The following SIDT2 variants were observed in gnomAD, a reference collection of about 807,000 sequenced individuals.
SIDT2 encodes SID1 transmembrane family member 2.
Under a neutral mutation model 114.4 loss-of-function variants are expected in SIDT2, and 68 were observed. The observed-to-expected ratio is 0.59, with a 90% CI of 0.49 to 0.73. The LOEUF (loss-of-function observed/expected upper bound fraction) is 0.73. SIDT2 is among the 30% of genes least tolerant of loss of function. The pLI is 0.00. For missense variants in SIDT2, 918 were observed against 1,097.1 expected (o/e 0.84, Z 2.31); for synonymous variants, 470 against 438.4 (o/e 1.07, Z -0.90).
In SIDT2 at chr11:117,182,056, G is replaced by C. The variant is rs777807118; in HGVS notation, c.471-4G>C. ...ACTGGTGGGGGCTCTTCTCTGCCCT[G>C]CAGGACTGGGGAGCAGTTCAGCTTC... On this transcript the variant is annotated splice_region_variant and splice_polypyrimidine_tract_variant and intron_variant, in intron 3 of 25. Transcript: ENST00000324225. 3 of 1,614,038 alleles carry C rather than the reference G, an allele frequency of 1.9e-6. No homozygotes were observed. In the African/African-American group the frequency reaches 4.0e-5, roughly 22 times the overall value.
rs777497192 is a variant in SIDT2, at chr11:117,179,128, C to T, written c.-136C>T. On this transcript the variant is annotated 5_prime_UTR_variant, in exon 1 of 26. Coordinates refer to ENST00000324225, the MANE Select transcript of SIDT2 (RefSeq NM_001040455.2). ...CTTGGGAGGGGACATTTCCTAATCT[C>T]AGGCCGGGGTTAAAGTTCTGGTCCT... 2.4e-6 allele frequency: 2 copies of T among 837,266 alleles called. No individual in the cohort carries two copies. The highest frequency in any genetic ancestry group is 1.8e-6 in the Non-Finnish European group (1 of 550,474). 51.9% of individuals were successfully genotyped at this position (837,266 alleles called of 1,614,324 possible). A position where few individuals can be genotyped will look rare whatever the true frequency, so the allele number is the denominator to read the frequency against.
Position 117,182,738 on chromosome 11 carries a change from C to G in SIDT2, c.634C>G (p.Leu212Val). ...IQDVLCPVYD[L>V]DNNVAFIGMY... ...CCCTCTGCAGTGTCCTGTCTATGAC[C>G]TGGACAACAACGTAGCCTTCATCGG... Residue 212 changes from leucine (L) to valine (V), a missense_variant, in exon 6 of 26, where the codon CTG becomes GTG. By Grantham distance (32) the Leu-to-Val change is conservative. Around this residue, in one of 4 missense-constraint regions of SIDT2, gnomAD observed 553 missense variants for 600.1 expected, o/e 0.92. Coordinates refer to ENST00000324225, the MANE Select transcript of SIDT2 (RefSeq NM_001040455.2). 6.2e-7 allele frequency: 1 copy of G among 1,614,234 alleles called. No homozygotes were observed. Among genetic ancestry groups the G allele is most frequent in the East Asian group, 2.2e-5 (1 of 44,882 alleles).
intron 15 of SIDT2, chr11:117,189,678 A>G (rs1390473026): frequency 5.0e-6 from 3 of 596,474 alleles, no homozygotes; most frequent in Middle Eastern, 4.4e-4. Context: ...CTTTGTAAGC[A>G]TCAGTTTCCC....
intron 6 of SIDT2, among the ~76,000 whole-genome samples, 167 bp downstream of exon 6, chr11:117,182,973 C>T (rs1017581150): frequency 3.3e-5 from 5 of 152,304 alleles, no homozygotes; most frequent in Non-Finnish European, 7.3e-5. Context: ...GAGAGTTGTA[C>T]CATAATCCCA....
In SIDT2 at chr11:117,188,830, T is replaced by C; in HGVS notation, c.1278+4T>C. 3 of 1,613,262 alleles carry C rather than the reference T, an allele frequency of 1.9e-6. No homozygotes were observed. On this transcript the variant is annotated splice_donor_region_variant and intron_variant, in intron 13 of 25. Transcript: ENST00000324225. This position sits in a 1 kb window ranked among gnomAD's most constrained non-coding sequence, Gnocchi z 4.0. ...CAAGAATGTCATTCGCACCAAGGTC[T>C]GACCCGTGGGCCTGGCCTGGTCAGG...
chr11:117,191,562 C>T (rs960991360), intron 18 of SIDT2: 7 of 308,546 alleles, frequency 2.3e-5, no homozygotes, highest in East Asian at 2.3e-4. Context: ...CCAGCCTGGG[C>T]GACAGAGTGA....
At chr11:117,181,267 C>T in intron 1 of SIDT2, 149 bp from the exon 2 acceptor site, 1 of 1,111,016 alleles carries the variant, frequency 9.0e-7, no homozygotes, top group Non-Finnish European at 1.3e-6. Flanking sequence ...GTTGTTCTGG[C>T]AGAAGAAGAG....
intron 25 of SIDT2, 22 bp downstream of exon 25, chr11:117,195,937 G>A: frequency 6.2e-7 from 1 of 1,614,234 alleles, no homozygotes; most frequent in Non-Finnish European, 8.5e-7. Context: ...TCCCGGCCGA[G>A]CCGGGTGGGT....
chr11:117,181,803 A>G lies in SIDT2; in HGVS notation c.306-4A>G. The G allele has an allele frequency of 6.2e-7, 1 of 1,614,104 alleles. No homozygotes were observed. Among genetic ancestry groups the G allele is most frequent in the Non-Finnish European group, 8.5e-7 (1 of 1,180,010 alleles). On this transcript the variant is annotated splice_region_variant and splice_polypyrimidine_tract_variant and intron_variant, in intron 2 of 25. Transcript: ENST00000324225. ...ACATCCTATCTCCCTGCTTCGGGCC[A>G]TAGGTTTCAGCGCAAGTACCTCTAC...
rs1275997424 is a variant in SIDT2 at position 117,190,284 on chromosome 11, G to A, written c.1612G>A (p.Ala538Thr). The change falls in exon 17 of 26, where the codon GCC (alanine) becomes ACC (threonine). Residue 538 changes from alanine to threonine, a missense_variant. Around this residue, in one of 4 missense-constraint regions of SIDT2, gnomAD observed 72 missense variants for 59.9 expected, o/e 1.20. Coordinates refer to ENST00000324225, the MANE Select transcript of SIDT2 (RefSeq NM_001040455.2). This position sits in a 1 kb window ranked among gnomAD's most constrained non-coding sequence, Gnocchi z 4.1. ...GGCCCTGCTGCGCAATGACCTCTGTGCCCTGGTAAGGGAGCACCTGCCTGC... is the reference window on the plus strand; with the variant it reads ...GGCCCTGCTGCGCAATGACCTCTGTACCCTGGTAAGGGAGCACCTGCCTGC... ...NRALLRNDLC[A>T]LECGIPKHFG... 8 of 1,537,950 alleles carry A rather than the reference G, an allele frequency of 5.2e-6. No individual in the cohort carries two copies. Among genetic ancestry groups the A allele is most frequent in the African/African-American group, 1.4e-5 (1 of 72,368 alleles).
Position 117,192,760 on chromosome 11 carries a change from C to A in SIDT2, c.2059-60C>A. On this transcript the variant is annotated intron_variant, in intron 21 of 25. Coordinates refer to ENST00000324225, the MANE Select transcript of SIDT2 (RefSeq NM_001040455.2). This position sits in a 1 kb window ranked among gnomAD's most constrained non-coding sequence, Gnocchi z 5.9. ...GGAGAGTGGGGACCAGCTGGCTGGG[C>A]CTTCTTCCACCACCCTCCCTGCCCC... 2 of 1,612,116 alleles carry A rather than the reference C, an allele frequency of 1.2e-6. No individual in the cohort carries two copies. Among genetic ancestry groups the A allele is most frequent in the Admixed American group, 1.7e-5 (1 of 59,998 alleles).
At chr11:117,187,022 G>A (rs530426986) in intron 10 of SIDT2, 1 of 1,451,240 alleles carries the variant, frequency 6.9e-7, no homozygotes, top group South Asian at 1.2e-5. Flanking sequence ...GGTGCTGTGG[G>A]CAGAGGAGCT....
rs369942724 is a variant in SIDT2, at chr11:117,181,875, C to T, written c.374C>T (p.Ser125Leu). The T allele has an allele frequency of 9.9e-6, 16 of 1,614,086 alleles. No individual in the cohort carries two copies. The highest frequency in any genetic ancestry group is 4.4e-5 in the South Asian group (4 of 91,084). The change falls in exon 3 of 26, where the codon TCG (serine) becomes TTG (leucine). Residue 125 changes from serine to leucine, a missense_variant. Ser to Leu is a moderately radical substitution (Grantham distance 145, BLOSUM62 -2). Around this residue, in one of 4 missense-constraint regions of SIDT2, gnomAD observed 553 missense variants for 600.1 expected, o/e 0.92. Coordinates refer to ENST00000324225, the MANE Select transcript of SIDT2 (RefSeq NM_001040455.2). ...TLCQPPTKNE[S>L]EIQFFYVDVS... ...TGTCAGCCCCCCACCAAGAATGAGT[C>T]GGAGATTCAGTTCTTCTACGTGGAT...
chr11:117,193,181 A>G lies in SIDT2; in HGVS notation c.2134A>G (p.Asn712Asp), dbSNP rs1295424493. 6.2e-7 allele frequency: 1 copy of G among 1,613,972 alleles called. No individual in the cohort carries two copies. The highest frequency in any genetic ancestry group is 2.2e-5 in the East Asian group (1 of 44,876). Residue 712 changes from asparagine to aspartate, a missense_variant, in exon 23 of 26, where the codon AAT becomes GAT. By Grantham distance (23) the Asn-to-Asp change is conservative. Coordinates refer to ENST00000324225, the MANE Select transcript of SIDT2 (RefSeq NM_001040455.2). ...LAAYGLIMRPNDFASYLLAIG... is the reference protein window; with the variant it reads ...LAAYGLIMRPDDFASYLLAIG... ...TGCCTATGGGCTTATCATGCGCCCC[A>G]ATGATTTCGCTTCCTACTTGTTGGC...
chr11:117,187,429 G>T lies in SIDT2; in HGVS notation c.1067G>T (p.Gly356Val). Reference sequence around the variant, plus strand: ...TTTCCTGGCAGTTCCCCTTATGAGGGTTACAACTATGGCTCCTTTGGTACG... The same window carrying T: ...TTTCCTGGCAGTTCCCCTTATGAGGTTTACAACTATGGCTCCTTTGGTACG... ...DSFPGSSPYEGYNYGSFENVS... is the reference protein window; with the variant it reads ...DSFPGSSPYEVYNYGSFENVS... Residue 356 changes from glycine (G) to valine (V), a missense_variant, in exon 11 of 26, where the codon GGT (glycine) becomes GTT (valine). Transcript: ENST00000324225. The T allele has an allele frequency of 6.2e-7, 1 of 1,614,060 alleles. No homozygotes were observed. Among genetic ancestry groups the T allele is most frequent in the South Asian group, 1.1e-5 (1 of 91,078 alleles).
chr11:117,184,217 C>A, intron 8 of SIDT2, 78 bp downstream of exon 8: 2 of 1,414,176 alleles, frequency 1.4e-6, no homozygotes, highest in Non-Finnish European at 9.9e-7. Flanking sequence ...ATAGGGTGTG[C>A]CCTGAAGTGG....
intron 10 of SIDT2, among the ~76,000 whole-genome samples, 196 bp from the exon 11 acceptor site, chr11:117,187,182 C>A (rs887931709): frequency 2.0e-5 from 3 of 151,206 alleles, no homozygotes; most frequent in Non-Finnish European, 4.4e-5. Context: ...GTGCTGTTTC[C>A]ATGGGAGAGG....
At position 117,192,402 on chromosome 11, in the gene SIDT2, G is replaced by A. The variant is rs2030736537; in HGVS notation, c.1981+40G>A. ...GGGGCAGGGCCTGGGGGAGGGGTCT[G>A]GGGGGCCTTGGGAACCCGGACGCAC... On this transcript the variant is annotated intron_variant, in intron 20 of 25. Coordinates refer to ENST00000324225, the MANE Select transcript of SIDT2 (RefSeq NM_001040455.2). The surrounding 1 kb of genome is among the most constrained non-coding windows in gnomAD (Gnocchi z 5.9). The A allele has an allele frequency of 1.4e-6, 2 of 1,433,134 alleles. No homozygotes were observed. Among genetic ancestry groups the A allele is most frequent in the Admixed American group, 1.7e-5 (1 of 59,708 alleles). The allele number at this position is 1,433,134 out of a possible 1,614,324, so 88.8% of individuals were successfully genotyped here.
intron 24 of SIDT2, 66 bp downstream of exon 24, chr11:117,194,029 G>A (rs2030799741): frequency 6.1e-6 from 8 of 1,305,774 alleles, no homozygotes; most frequent in Non-Finnish European, 5.5e-6. Flanking sequence ...AAACATTGGG[G>A]CTGAGCCTGG....
Sources: gnomAD v4.1 joint callset for allele counts (sites outside exome capture counted in the v4.1 genomes callset) on GRCh38, gnomAD v4.1.1 for gene constraint, gnomAD v4.1.1 regional missense constraint, Gnocchi (gnomAD v3.1) non-coding constraint, MANE v1.5 for transcripts, NCBI Gene and HGNC (gene_info 2026-07-23, HGNC 2026-07-21) for gene names.